COP1: variants seen among roughly 807,000 people sequenced by gnomAD.
The protein encoded by COP1 is COP1 E3 ubiquitin ligase, also known as E3 ubiquitin-protein ligase COP1.
Under a neutral mutation model 101.3 loss-of-function variants are expected in COP1, and 24 were observed. That is an observed-to-expected ratio of 0.24 (90% CI 0.17 to 0.33). The LOEUF (loss-of-function observed/expected upper bound fraction) is 0.33, where lower values mean the gene tolerates loss of function less well. Among genes scored for constraint, COP1 ranks in the 10% least tolerant of loss-of-function variants. The pLI, the probability that COP1 is intolerant of heterozygous loss-of-function variation, is 1.00. For synonymous variants in COP1, 347 were observed against 341.9 expected (o/e 1.01, Z -0.17); for missense variants, 663 against 906.2 (o/e 0.73, Z 3.45).
chr1:176,023,718 C>CAAAAAAAAA (rs759455090), intron 15 of COP1, among the ~76,000 whole-genome samples: 3 of 122,088 alleles, frequency 2.5e-5, no homozygotes, highest in African/African-American at 3.6e-5. Context: ...AACTCCATCT[C>CAAAAAAAAA]AAAAAAAAAA....
At chr1:176,141,928 C>A (rs540940123) in intron 6 of COP1, among the ~76,000 whole-genome samples, 1 of 151,962 alleles carries the variant, frequency 6.6e-6, no homozygotes, top group South Asian at 2.1e-4. Flanking sequence ...GAGACAAAGT[C>A]TCACTATATT....
In COP1 at chr1:176,148,393, T is replaced by TA. The variant is rs74263829; in HGVS notation, c.831+612dup. Among the ~76,000 whole-genome samples, 636 of 138,670 alleles carry TA rather than the reference T, an allele frequency of 4.6e-3. 2 individuals carry two copies. The highest frequency in any genetic ancestry group is 0.011 in the African/African-American group (424 of 38,032). 91.0% of individuals were successfully genotyped at this position (138,670 alleles called of 152,430 possible). On this transcript the variant is annotated intron_variant, in intron 6 of 19. Coordinates refer to ENST00000367669, the MANE Select transcript of COP1 (RefSeq NM_022457.7). The stretch of plus-strand genomic sequence containing the variant: ...ACCAGGTTCCAGCCAGTTAGAAATT[T>TA]AAAAAAAAAAAAAAAGTTTTCAAAG...
intron 9 of COP1, among the ~76,000 whole-genome samples, chr1:176,097,605 A>G (rs1202236055): frequency 6.6e-6 from 1 of 152,122 alleles, no homozygotes; most frequent in African/African-American, 2.4e-5. Context: ...GCAGCAGCTC[A>G]AGCCTGTAAT....
intron 17 of COP1, among the ~76,000 whole-genome samples, chr1:175,987,962 A>C (rs551808045): frequency 1.3e-5 from 2 of 152,358 alleles, no homozygotes; most frequent in African/African-American, 4.8e-5. Context: ...AAAATTGGAA[A>C]TATTACTAAC....
intron 3 of COP1, among the ~76,000 whole-genome samples, chr1:176,169,689 C>CT (rs1194799841): frequency 3.3e-5 from 5 of 152,226 alleles, no homozygotes; most frequent in Non-Finnish European, 2.9e-5. Flanking sequence ...GGTAGAGAGT[C>CT]TTGCCTCCAT....
At chr1:176,068,422 CTGTGTT>C (rs1464453852) in intron 11 of COP1, among the ~76,000 whole-genome samples, 2 of 152,184 alleles carry the variant, frequency 1.3e-5, no homozygotes, top group African/African-American at 4.8e-5. Context: ...GCCCATCAAT[CTGTGTT>C]TCAACAAGAT....
At chr1:175,971,790 T>C (rs960285975) in intron 18 of COP1, among the ~76,000 whole-genome samples, 2 of 152,244 alleles carry the variant, frequency 1.3e-5, no homozygotes, top group Admixed American at 6.5e-5. Flanking sequence ...CAGAATGTTC[T>C]AGCCTTTGCT....
chr1:176,072,667 C>A (rs1677212895), intron 11 of COP1, among the ~76,000 whole-genome samples: 1 of 152,152 alleles, frequency 6.6e-6, no homozygotes, highest in Non-Finnish European at 1.5e-5. Flanking sequence ...ATTTAAAGCT[C>A]ACAAGCACTC....
chr1:176,191,030 G>C (rs940527643), intron 1 of COP1, among the ~76,000 whole-genome samples: 1 of 151,978 alleles, frequency 6.6e-6, no homozygotes, highest in Admixed American at 6.6e-5. Context: ...AAACACTTTC[G>C]TGTTTTGATA....
chr1:176,022,606 C>T (rs552422531), intron 15 of COP1, among the ~76,000 whole-genome samples: 98 of 152,156 alleles, frequency 6.4e-4, no homozygotes, highest in African/African-American at 2.2e-3. Flanking sequence ...GACTGAATAT[C>T]GGTCAGTTTT....
chr1:176,076,312 A>C (rs1678001559), intron 11 of COP1, among the ~76,000 whole-genome samples: 1 of 152,192 alleles, frequency 6.6e-6, no homozygotes, highest in Admixed American at 6.5e-5. Flanking sequence ...AATCAATATC[A>C]AGAAGATCTC....
chr1:176,106,821 T>G (rs556186451), intron 9 of COP1, among the ~76,000 whole-genome samples: 2 of 152,300 alleles, frequency 1.3e-5, no homozygotes, highest in African/African-American at 4.8e-5. Context: ...CTTGATAAAT[T>G]GACTCTGTCT....
At chr1:176,076,775 T>C (rs1678100144) in intron 11 of COP1, among the ~76,000 whole-genome samples, 1 of 151,732 alleles carries the variant, frequency 6.6e-6, no homozygotes, top group African/African-American at 2.4e-5. Context: ...CAATCAGAAA[T>C]GACAAAGATG....
chr1:175,980,511 A>G (rs1045773641), intron 18 of COP1, among the ~76,000 whole-genome samples: 3 of 152,192 alleles, frequency 2.0e-5, no homozygotes, highest in African/African-American at 7.2e-5. Flanking sequence ...GTATTACAGC[A>G]TAGTTGATAG....
At chr1:176,015,024 T>C (rs762067694) in intron 15 of COP1, among the ~76,000 whole-genome samples, 8 of 152,206 alleles carry the variant, frequency 5.3e-5, no homozygotes, top group Non-Finnish European at 8.8e-5. Context: ...AATGACTGGG[T>C]GAGTCTCCTT....
Position 176,171,374 on chromosome 1 carries a change from T to C in COP1, c.565+4536A>G, listed in dbSNP as rs567110898. ...GCAGCTTCCTCACCTCTCTGAGCCT[T>C]CACAGAATTTAGGAGAGTTAGGGTC... On this transcript the variant is annotated intron_variant, in intron 3 of 19. Transcript: ENST00000367669. 1.6e-4 allele frequency among the ~76,000 whole-genome samples: 24 copies of C among 152,300 alleles called. No homozygotes were observed. The South Asian group carries it at 5.0e-3, about 32-fold the overall frequency.
chr1:176,012,701 C>T (rs574716547), intron 15 of COP1, among the ~76,000 whole-genome samples: 1 of 152,150 alleles, frequency 6.6e-6, no homozygotes, highest in African/African-American at 2.4e-5. Context: ...TGTATTCTTA[C>T]TGTAGCTTTT....
At chr1:175,997,428 C>T (rs1451145742) in intron 15 of COP1, among the ~76,000 whole-genome samples, 1 of 151,880 alleles carries the variant, frequency 6.6e-6, no homozygotes, top group African/African-American at 2.4e-5. Context: ...AGCTTCTGCA[C>T]AGCAAAAGAA....
chr1:176,147,954 C>T (rs1691818659), intron 6 of COP1, among the ~76,000 whole-genome samples: 1 of 152,110 alleles, frequency 6.6e-6, no homozygotes. Flanking sequence ...GGCTGGAGTG[C>T]AGTGGCGCGA....
Sources: gnomAD v4.1 joint callset for allele counts (sites outside exome capture counted in the v4.1 genomes callset) on GRCh38, gnomAD v4.1.1 for gene constraint, MANE v1.5 for transcripts, NCBI Gene and HGNC (gene_info 2026-07-23, HGNC 2026-07-21) for gene names.